DLC1: variants seen among roughly 807,000 people sequenced by gnomAD.
DLC1 encodes the protein rho GTPase-activating protein 7.
Under a neutral mutation model 140.3 loss-of-function variants are expected in DLC1, and 54 were observed. The ratio of observed to expected loss-of-function variants is 0.38; its 90% CI spans 0.31 to 0.48. The LOEUF (loss-of-function observed/expected upper bound fraction) is 0.48. Ranked by LOEUF, DLC1 falls within the 20% of genes least tolerant of loss-of-function variation. DLC1 has a pLI of 0.96. For missense variants in DLC1, 2,536 were observed against 1,907.0 expected (o/e 1.33, Z -6.14); for synonymous variants, 986 against 728.1 (o/e 1.35, Z -5.70).
chr8:13,223,131 A>C (rs969913833), intron 5 of DLC1, among the ~76,000 whole-genome samples: 6 of 152,248 alleles, frequency 3.9e-5, no homozygotes, highest in East Asian at 1.9e-4. Flanking sequence ...TTTGTGCCTC[A>C]ATATTTTCTT....
intron 5 of DLC1, chr8:13,304,918 A>T: frequency 1.0e-6 from 1 of 1,003,674 alleles, no homozygotes. Flanking sequence ...TAAGTCATTA[A>T]GAGTAAAAAT....
intron 6 of DLC1, among the ~76,000 whole-genome samples, chr8:13,113,830 G>A (rs1820314157): frequency 6.6e-6 from 1 of 152,164 alleles, no homozygotes; most frequent in South Asian, 2.1e-4. Context: ...CTGGAATGAA[G>A]AAACAGTAAG....
chr8:13,412,369 C>G (rs993823878), intron 2 of DLC1, among the ~76,000 whole-genome samples: 1 of 152,104 alleles, frequency 6.6e-6, no homozygotes, highest in African/African-American at 2.4e-5. Flanking sequence ...AAGTAGAACA[C>G]ATTCTTCAAC....
At chr8:13,135,660 A>C (rs969871656) in intron 5 of DLC1, among the ~76,000 whole-genome samples, 2 of 152,200 alleles carry the variant, frequency 1.3e-5, no homozygotes, top group African/African-American at 4.8e-5. Context: ...TCTCCCCTCC[A>C]AATACACCAA....
intron 1 of DLC1, among the ~76,000 whole-genome samples, chr8:13,595,058 G>A (rs1345439127): frequency 6.6e-6 from 1 of 151,796 alleles, no homozygotes; most frequent in Non-Finnish European, 1.5e-5. Flanking sequence ...ACACACCGCA[G>A]TTTTCTCTTC....
chr8:13,359,092 C>T lies in DLC1; in HGVS notation c.1314+34461G>A, dbSNP rs181844948. On this transcript the variant is annotated intron_variant, in intron 4 of 17. Transcript: ENST00000276297. ...TAGCTGAGACTACAGGTGCCCGCCACCACGCCCGGCTAATTTTTTCGTATT... is the reference window on the plus strand; with the variant it reads ...TAGCTGAGACTACAGGTGCCCGCCATCACGCCCGGCTAATTTTTTCGTATT... 2.1e-3 allele frequency among the ~76,000 whole-genome samples: 314 copies of T among 152,252 alleles called. 1 individual carries two copies. Among genetic ancestry groups the T allele is most frequent in the African/African-American group, 6.8e-3 (282 of 41,544 alleles).
At chr8:13,532,706 C>A (rs60635763) in intron 1 of DLC1, among the ~76,000 whole-genome samples, 1 of 152,160 alleles carries the variant, frequency 6.6e-6, no homozygotes, top group African/African-American at 2.4e-5. Flanking sequence ...CCTCCCACTT[C>A]GGCCTCCCAT....
intron 4 of DLC1, among the ~76,000 whole-genome samples, chr8:13,358,511 T>C (rs1200894400): frequency 2.6e-5 from 4 of 152,320 alleles, no homozygotes; most frequent in African/African-American, 9.6e-5. Context: ...ATTTGCCACC[T>C]AGTATTTTTC....
chr8:13,472,181 C>T (rs796442824), intron 2 of DLC1, among the ~76,000 whole-genome samples: 8 of 152,236 alleles, frequency 5.3e-5, no homozygotes, highest in Admixed American at 1.3e-4. Context: ...TTTTAACTTT[C>T]CCAGGGAATG....
rs181303524 is a variant in DLC1 at position 13,466,508 on chromosome 8, C to T, written c.1023+32541G>A. Among the ~76,000 whole-genome samples, 908 of 152,276 alleles carry T rather than the reference C, an allele frequency of 6.0e-3. 11 individuals carry two copies. Among genetic ancestry groups the T allele is most frequent in the Non-Finnish European group, 5.3e-3 (363 of 68,018 alleles). On this transcript the variant is annotated intron_variant, in intron 2 of 17. Transcript: ENST00000276297. The stretch of plus-strand genomic sequence containing the variant: ...TAGACAAGAGCCAGAAGAATATCTG[C>T]CAGTATCAACATTTCCTGTGGGAGA...
intron 5 of DLC1, among the ~76,000 whole-genome samples, chr8:13,211,382 C>T (rs946104224): frequency 6.6e-6 from 1 of 151,854 alleles, no homozygotes; most frequent in African/African-American, 2.4e-5. Context: ...TAGGGGTAGC[C>T]CTGCTCTGTC....
chr8:13,091,797 C>G (rs1034113167), intron 13 of DLC1, among the ~76,000 whole-genome samples: 7 of 152,070 alleles, frequency 4.6e-5, no homozygotes, highest in Non-Finnish European at 8.8e-5. Flanking sequence ...GTGTCATCAT[C>G]TTTATCTGCC....
chr8:13,405,929 C>CTT (rs1218298822), intron 2 of DLC1, among the ~76,000 whole-genome samples: 2 of 78,734 alleles, frequency 2.5e-5, no homozygotes, highest in Non-Finnish European at 5.2e-5. Context: ...TTCTTTCTTT[C>CTT]TTTCTTTCTT....
Position 13,344,636 on chromosome 8 carries a change from G to C in DLC1, c.1315-39334C>G, listed in dbSNP as rs905706264. Reference sequence around the variant, plus strand: ...GCAAATGAGTTCTCTAAAAAGGCTGGTAGGAATGGTTACTGATGAAGTGGT... The same window carrying C: ...GCAAATGAGTTCTCTAAAAAGGCTGCTAGGAATGGTTACTGATGAAGTGGT... On this transcript the variant is annotated intron_variant, in intron 4 of 17. Transcript: ENST00000276297. Among the ~76,000 whole-genome samples the C allele has an allele frequency of 7.9e-5, 12 of 152,324 alleles. No homozygotes were observed. In the East Asian group the frequency reaches 1.2e-3, roughly 15 times the overall value.
intron 4 of DLC1, among the ~76,000 whole-genome samples, chr8:13,368,524 A>AT (rs796533088): frequency 0.011 from 1,553 of 144,292 alleles, 16 homozygotes; most frequent in South Asian, 0.051. Context: ...AGGCAGTTAA[A>AT]TTTTTTTTTT....
At chr8:13,215,816 C>T (rs536834805) in intron 5 of DLC1, among the ~76,000 whole-genome samples, 11 of 152,266 alleles carry the variant, frequency 7.2e-5, no homozygotes, top group South Asian at 4.1e-4. Context: ...CGTAATCTTT[C>T]GCATTAGATA....
chr8:13,567,382 A>G lies in DLC1; in HGVS notation c.-126+37155T>C, dbSNP rs1181007986. On this transcript the variant is annotated intron_variant, in intron 1 of 1. Coordinates refer to the DLC1 transcript ENST00000631382. ...GCAGTCTTATTGCACCATGAAGATA[A>G]ATTTGATTCATCGTAGAGGGGATTC... 8 of 1,551,576 alleles carry G rather than the reference A, an allele frequency of 5.2e-6. No individual in the cohort carries two copies. The South Asian group carries it at 9.5e-5, about 18-fold the overall frequency.
At chr8:13,329,490 T>C (rs1217334100) in intron 4 of DLC1, among the ~76,000 whole-genome samples, 1 of 152,146 alleles carries the variant, frequency 6.6e-6, no homozygotes, top group East Asian at 1.9e-4. Context: ...CTATATATGG[T>C]AAATTCTATC....
chr8:13,087,315 T>A (rs1440819194), intron 16 of DLC1, among the ~76,000 whole-genome samples: 1 of 152,150 alleles, frequency 6.6e-6, no homozygotes, highest in Non-Finnish European at 1.5e-5. Flanking sequence ...GGGGGGAGGA[T>A]TGCTTGAGCC....
Sources: allele counts gnomAD v4.1 joint callset (sites outside exome capture counted in the v4.1 genomes callset), GRCh38; gene constraint gnomAD v4.1.1; transcripts MANE v1.5; gene names NCBI Gene and HGNC (gene_info 2026-07-23, HGNC 2026-07-21).